ZNF277: variants seen among roughly 807,000 people sequenced by gnomAD.
ZNF277 encodes the protein nuclear receptor-interacting factor 4.
Under a neutral mutation model 60.7 loss-of-function variants are expected in ZNF277, and 55 were observed. The observed-to-expected ratio is 0.91, with a 90% CI of 0.73 to 1.13. ZNF277 has a LOEUF of 1.13. ZNF277 is among the 50% of genes most tolerant of loss of function. The pLI is 0.00. For missense variants in ZNF277, 510 were observed against 523.0 expected, an observed-to-expected ratio of 0.98 and a Z score of 0.24; for synonymous variants, 178 against 179.3, an observed-to-expected ratio of 0.99 and a Z score of 0.06.
At chr7:112,292,424 C>G (rs1792229861) in intron 2 of ZNF277, among the ~76,000 whole-genome samples, 1 of 152,132 alleles carries the variant, frequency 6.6e-6, no homozygotes, top group South Asian at 2.1e-4. Flanking sequence ...GTATGCCTTT[C>G]GGAAGGGGAA....
At chr7:112,335,556 C>T (rs554250914) in intron 7 of ZNF277, among the ~76,000 whole-genome samples, 1 of 152,128 alleles carries the variant, frequency 6.6e-6, no homozygotes, top group Non-Finnish European at 1.5e-5. Flanking sequence ...ATGCCTAGTA[C>T]TATTTCTTTA....
intron 1 of ZNF277, among the ~76,000 whole-genome samples, chr7:112,225,141 A>G (rs1429081296): frequency 3.3e-5 from 5 of 152,338 alleles, no homozygotes; most frequent in East Asian, 3.9e-4. Flanking sequence ...GTGTCCAGTG[A>G]CTAGCATCCT....
At chr7:112,299,625 T>G (rs956523471) in intron 4 of ZNF277, among the ~76,000 whole-genome samples, 1 of 152,210 alleles carries the variant, frequency 6.6e-6, no homozygotes, top group Non-Finnish European at 1.5e-5. Context: ...TATCAAACAA[T>G]TTTTTATTAA....
intron 1 of ZNF277, among the ~76,000 whole-genome samples, chr7:112,217,355 A>T (rs964559257): frequency 6.6e-6 from 1 of 152,258 alleles, no homozygotes; most frequent in African/African-American, 2.4e-5. Context: ...GTATCAAGTC[A>T]ATACATTTTG....
chr7:112,242,433 A>G (rs1276177234), intron 1 of ZNF277, among the ~76,000 whole-genome samples: 1 of 151,960 alleles, frequency 6.6e-6, no homozygotes, highest in Non-Finnish European at 1.5e-5. Flanking sequence ...CCTAGATTTT[A>G]TAAATGAATT....
chr7:112,246,993 G>A (rs77936831), intron 1 of ZNF277, among the ~76,000 whole-genome samples: 5,275 of 152,160 alleles, frequency 0.035, 156 homozygotes, highest in East Asian at 0.12. Context: ...GAAACTGCTT[G>A]CTCTTGCCAC....
intron 1 of ZNF277, among the ~76,000 whole-genome samples, chr7:112,208,201 C>T (rs1587072102): frequency 1.3e-5 from 2 of 151,812 alleles, no homozygotes. Flanking sequence ...ATGGTGAAAC[C>T]CCGTCTCTAC....
At chr7:112,208,970 C>T (rs758404141) in intron 1 of ZNF277, among the ~76,000 whole-genome samples, 7 of 152,102 alleles carry the variant, frequency 4.6e-5, no homozygotes, top group Non-Finnish European at 8.8e-5. Flanking sequence ...TAAGCCACCG[C>T]GCCCGGCCTA....
chr7:112,243,544 A>G (rs1021621629), intron 1 of ZNF277, among the ~76,000 whole-genome samples: 3 of 151,872 alleles, frequency 2.0e-5, no homozygotes, highest in Non-Finnish European at 2.9e-5. Flanking sequence ...TTTCAAAAGA[A>G]GACATACAAA....
chr7:112,216,430 C>T (rs952324355), intron 1 of ZNF277, among the ~76,000 whole-genome samples: 1 of 152,196 alleles, frequency 6.6e-6, no homozygotes, highest in Non-Finnish European at 1.5e-5. Context: ...CCACCTCAGC[C>T]TCCTGAGTAG....
intron 1 of ZNF277, among the ~76,000 whole-genome samples, chr7:112,285,592 A>G (rs1792046853): frequency 6.6e-6 from 1 of 151,516 alleles, no homozygotes; most frequent in African/African-American, 2.4e-5. Context: ...ACACTACCAC[A>G]CTTGGCTAAT....
intron 4 of ZNF277, among the ~76,000 whole-genome samples, chr7:112,307,896 G>C (rs1005957570): frequency 6.6e-6 from 1 of 151,598 alleles, no homozygotes; most frequent in Non-Finnish European, 1.5e-5. Flanking sequence ...GTATACATAT[G>C]TCCAAATACA....
chr7:112,213,906 A>G (rs768927437), intron 1 of ZNF277, among the ~76,000 whole-genome samples: 1 of 152,200 alleles, frequency 6.6e-6, no homozygotes, highest in African/African-American at 2.4e-5. Flanking sequence ...TACTGTATCT[A>G]TATTGCTGGG....
intron 1 of ZNF277, among the ~76,000 whole-genome samples, chr7:112,221,084 C>T (rs1822017242): frequency 6.6e-6 from 1 of 152,278 alleles, no homozygotes; most frequent in Admixed American, 6.5e-5. Context: ...TGACTTCCAC[C>T]CTTCCAGATC....
chr7:112,323,488 A>T (rs1793032366), intron 5 of ZNF277, among the ~76,000 whole-genome samples: 4 of 152,172 alleles, frequency 2.6e-5, no homozygotes, highest in Non-Finnish European at 5.9e-5. Context: ...GAATAGTAAC[A>T]GTTCTTGTAA....
chr7:112,326,033 A>G (rs1348091803), intron 5 of ZNF277, among the ~76,000 whole-genome samples: 1 of 152,104 alleles, frequency 6.6e-6, no homozygotes, highest in Admixed American at 6.5e-5. Context: ...CAGACTCTAG[A>G]TGCCAGATTC....
intron 4 of ZNF277, among the ~76,000 whole-genome samples, chr7:112,306,332 A>G (rs1448427593): frequency 6.6e-6 from 1 of 150,376 alleles, no homozygotes; most frequent in Non-Finnish European, 1.5e-5. Context: ...CTCCTGCCTC[A>G]GCCTCCTGAG....
chr7:112,220,757 C>G (rs1822005927), intron 1 of ZNF277, among the ~76,000 whole-genome samples: 1 of 152,100 alleles, frequency 6.6e-6, no homozygotes, highest in African/African-American at 2.4e-5. Flanking sequence ...TAGCTCACAC[C>G]CGACCAATCA....
At chr7:112,324,769 A>G (rs990733194) in intron 5 of ZNF277, among the ~76,000 whole-genome samples, 5 of 152,168 alleles carry the variant, frequency 3.3e-5, no homozygotes, top group African/African-American at 1.2e-4. Context: ...AAGCGGAGAC[A>G]TATTATGGGA....
Sources: gnomAD v4.1 joint callset for allele counts (sites outside exome capture counted in the v4.1 genomes callset) on GRCh38, gnomAD v4.1.1 for gene constraint, MANE v1.5 for transcripts, NCBI Gene and HGNC (gene_info 2026-07-23, HGNC 2026-07-21) for gene names.